Variants in TLN2 observed in about 807,000 individuals in gnomAD.
TLN2 encodes the protein talin 2, also known as talin-2.
A neutral mutation model predicts 294.7 loss-of-function variants in TLN2; 118 were observed. The ratio of observed to expected loss-of-function variants is 0.40; its 90% CI spans 0.34 to 0.47. The LOEUF (loss-of-function observed/expected upper bound fraction) is 0.47, where lower values mean the gene tolerates loss of function less well. TLN2 is among the 20% of genes least tolerant of loss of function. The probability of loss-of-function intolerance (pLI) is 0.84; values close to 1 mark genes in which losing one functional copy is unlikely to be tolerated. For missense variants in TLN2, 3,083 were observed against 3,282.2 expected (o/e 0.94, Z 1.48); for synonymous variants, 1,431 against 1,304.5 (o/e 1.10, Z -2.09).
chr15:62,451,762 C>T (rs1179342967), intron 1 of TLN2, among the ~76,000 whole-genome samples: 1 of 152,174 alleles, frequency 6.6e-6, no homozygotes, highest in Non-Finnish European at 1.5e-5. Flanking sequence ...AGCTTTTGGG[C>T]CTTGCAGAGG....
intron 33 of TLN2, 108 bp from the exon 34 acceptor site, chr15:62,750,294 G>T: frequency 1.1e-6 from 1 of 883,666 alleles, no homozygotes; most frequent in South Asian, 1.4e-5. Context: ...AAGTGATCAT[G>T]ACCAGAAACT....
chr15:62,752,061 T>C (rs915926687), intron 34 of TLN2, among the ~76,000 whole-genome samples: 3 of 152,330 alleles, frequency 2.0e-5, no homozygotes, highest in Non-Finnish European at 4.4e-5. Context: ...ATATTGTCTG[T>C]GTATATTAAC....
chr15:62,420,852 C>G (rs918529931), intron 1 of TLN2, among the ~76,000 whole-genome samples: 6 of 152,154 alleles, frequency 3.9e-5, no homozygotes. Context: ...AGGAACTCCT[C>G]AAATCTCTGT....
chr15:62,740,047 G>GTTTT (rs566155596), intron 31 of TLN2, among the ~76,000 whole-genome samples: 2 of 136,206 alleles, frequency 1.5e-5, no homozygotes, highest in Non-Finnish European at 3.2e-5. Context: ...TGTGTTTTTT[G>GTTTT]TTTTTTTTTT....
At chr15:62,806,496 T>G (rs1284497612) in intron 51 of TLN2, among the ~76,000 whole-genome samples, 1 of 152,178 alleles carries the variant, frequency 6.6e-6, no homozygotes, top group African/African-American at 2.4e-5. Flanking sequence ...AGGAGAGGTG[T>G]TGCCATCCCT....
At chr15:62,428,075 C>A (rs970319149) in intron 1 of TLN2, among the ~76,000 whole-genome samples, 1 of 146,736 alleles carries the variant, frequency 6.8e-6, no homozygotes, top group East Asian at 1.9e-4. Flanking sequence ...TGTGCCACCA[C>A]CCCCCCTCCA....
At chr15:62,838,531 G>A (rs2070099546) in intron 57 of TLN2, among the ~76,000 whole-genome samples, 1 of 152,240 alleles carries the variant, frequency 6.6e-6, no homozygotes, top group Admixed American at 6.5e-5. Flanking sequence ...CAGAACTCCG[G>A]CATGCCTCTG....
chr15:62,517,424 G>A (rs574832188), intron 1 of TLN2, among the ~76,000 whole-genome samples: 1 of 152,256 alleles, frequency 6.6e-6, no homozygotes, highest in African/African-American at 2.4e-5. Context: ...CAAACATAAA[G>A]ATATCCCAAA....
At chr15:62,826,832 A>G (rs912364414) in intron 54 of TLN2, among the ~76,000 whole-genome samples, 1 of 152,196 alleles carries the variant, frequency 6.6e-6, no homozygotes, top group African/African-American at 2.4e-5. Flanking sequence ...CCTCAAGGAC[A>G]TTTAAATTAA....
At chr15:62,630,600 C>T (rs1378991739) in intron 3 of TLN2, among the ~76,000 whole-genome samples, 1 of 152,018 alleles carries the variant, frequency 6.6e-6, no homozygotes, top group Non-Finnish European at 1.5e-5. Flanking sequence ...TTTTTTATTT[C>T]TGTTACTGCT....
chr15:62,471,585 C>G (rs1307156172), intron 1 of TLN2, among the ~76,000 whole-genome samples: 4 of 152,172 alleles, frequency 2.6e-5, no homozygotes, highest in Non-Finnish European at 5.9e-5. Context: ...CTAGGATTTT[C>G]TGTTCCCTTG....
chr15:62,638,909 A>G (rs1171648696), intron 3 of TLN2, among the ~76,000 whole-genome samples: 1 of 152,128 alleles, frequency 6.6e-6, no homozygotes. Context: ...GTTAGCCATG[A>G]AGTTCAGCAT....
At chr15:62,763,078 A>G (rs1396294064) in intron 39 of TLN2, 1 of 153,324 alleles carries the variant, frequency 6.5e-6, no homozygotes, top group Non-Finnish European at 1.5e-5. Flanking sequence ...TCAAAACCAC[A>G]GTTAACTTTA....
intron 10 of TLN2, among the ~76,000 whole-genome samples, chr15:62,674,416 CA>C: frequency 6.6e-6 from 1 of 152,202 alleles, no homozygotes; most frequent in South Asian, 2.1e-4. Context: ...AATTAAAATA[CA>C]AATTTCATGC....
chr15:62,736,838 A>T, intron 28 of TLN2, 40 bp from the exon 29 acceptor site: 1 of 1,602,418 alleles, frequency 6.2e-7, no homozygotes, highest in Non-Finnish European at 8.5e-7. Context: ...TGCCATTTAG[A>T]TGGAGTCTAA....
chr15:62,647,720 A>G (rs936840408), intron 4 of TLN2, among the ~76,000 whole-genome samples: 2 of 152,204 alleles, frequency 1.3e-5, no homozygotes, highest in Non-Finnish European at 2.9e-5. Flanking sequence ...TCACATTCTC[A>G]TGTATCATCT....
intron 1 of TLN2, among the ~76,000 whole-genome samples, chr15:62,520,075 A>G (rs2040383171): frequency 6.6e-6 from 1 of 152,240 alleles, no homozygotes; most frequent in African/African-American, 2.4e-5. Context: ...TGTGAGACTT[A>G]TTCACTACCA....
At chr15:62,596,214 G>A (rs896856716) in intron 2 of TLN2, among the ~76,000 whole-genome samples, 2 of 141,068 alleles carry the variant, frequency 1.4e-5, no homozygotes, top group Non-Finnish European at 1.5e-5. Context: ...GCAGTGAGCC[G>A]AGATTGCGCC....
chr15:62,535,745 G>A (rs1435370594), intron 1 of TLN2, among the ~76,000 whole-genome samples: 1 of 152,026 alleles, frequency 6.6e-6, no homozygotes, highest in Non-Finnish European at 1.5e-5. Flanking sequence ...AGTAGAGACG[G>A]GGTTTCACTA....
Sources: gnomAD v4.1 joint callset for allele counts (sites outside exome capture counted in the v4.1 genomes callset) on GRCh38, gnomAD v4.1.1 for gene constraint, MANE v1.5 for transcripts, NCBI Gene and HGNC (gene_info 2026-07-23, HGNC 2026-07-21) for gene names.